ENPP2: variants seen among roughly 807,000 people sequenced by gnomAD.
ENPP2 encodes the protein ectonucleotide pyrophosphatase/phosphodiesterase 2.
ENPP2 carries 51 observed loss-of-function variants against 120.2 expected under a neutral mutation model. That is an observed-to-expected ratio of 0.42 (90% CI 0.34 to 0.54). The LOEUF is 0.54. Ranked by LOEUF, ENPP2 falls within the 20% of genes least tolerant of loss-of-function variation. The pLI, the probability that ENPP2 is intolerant of heterozygous loss-of-function variation, is 0.04. For synonymous variants in ENPP2, 365 were observed against 366.4 expected (o/e 1.00, Z 0.04); for missense variants, 920 against 1,066.5 (o/e 0.86, Z 1.91).
chr8:119,605,632 G>GTA (rs1814666408), intron 9 of ENPP2, among the ~76,000 whole-genome samples: 1 of 101,918 alleles, frequency 9.8e-6, no homozygotes, highest in African/African-American at 4.8e-5. Flanking sequence ...AGCTAATTTT[G>GTA]TATTTTTTTT....
At chr8:119,644,647 C>CACACAT (rs1202298058) in intron 1 of ENPP2, among the ~76,000 whole-genome samples, 1 of 105,288 alleles carries the variant, frequency 9.5e-6, no homozygotes, top group African/African-American at 3.7e-5. Flanking sequence ...CACACACACA[C>CACACAT]ATATAGATAT....
At chr8:119,621,879 GC>G (rs1815924732) in intron 3 of ENPP2, among the ~76,000 whole-genome samples, 1 of 152,092 alleles carries the variant, frequency 6.6e-6, no homozygotes, top group Non-Finnish European at 1.5e-5. Context: ...AGCCTCTATA[GC>G]TTGGCTCTTT....
chr8:119,654,481 A>G (rs890989358), intron 1 of ENPP2, among the ~76,000 whole-genome samples: 7 of 146,574 alleles, frequency 4.8e-5, no homozygotes, highest in African/African-American at 1.7e-4. Flanking sequence ...TTATATTATT[A>G]TATATAATAT....
chr8:119,631,931 A>C (rs1245945821), intron 2 of ENPP2, among the ~76,000 whole-genome samples: 1 of 152,208 alleles, frequency 6.6e-6, no homozygotes, highest in African/African-American at 2.4e-5. Flanking sequence ...GTTTAAAATC[A>C]AGAAAAATCA....
intron 9 of ENPP2, 81 bp downstream of exon 9, chr8:119,607,841 A>T: frequency 1.1e-6 from 1 of 888,350 alleles, no homozygotes; most frequent in Non-Finnish European, 1.8e-6. Flanking sequence ...TAACTGAAAC[A>T]AAATAAAACT....
chr8:119,654,510 A>G (rs2130881924), intron 1 of ENPP2, among the ~76,000 whole-genome samples: 1 of 147,444 alleles, frequency 6.8e-6, no homozygotes, highest in East Asian at 2.0e-4. Context: ...TTTAATATAT[A>G]TAATAAATAT....
At chr8:119,609,438 G>A (rs1056432236) in intron 8 of ENPP2, among the ~76,000 whole-genome samples, 1 of 152,132 alleles carries the variant, frequency 6.6e-6, no homozygotes, top group Middle Eastern at 3.2e-3. Flanking sequence ...CAGACTTTTG[G>A]TTCCCTGGGA....
At chr8:119,585,321 C>T (rs922347019) in intron 15 of ENPP2, among the ~76,000 whole-genome samples, 3 of 152,164 alleles carry the variant, frequency 2.0e-5, no homozygotes, top group African/African-American at 7.2e-5. Flanking sequence ...AAAATTACAG[C>T]ATGATATTTA....
intron 11 of ENPP2, 72 bp downstream of exon 11, chr8:119,600,605 TC>T: frequency 1.1e-6 from 1 of 925,148 alleles, no homozygotes; most frequent in Non-Finnish European, 1.8e-6. Flanking sequence ...TTTATACAAT[TC>T]CTGAAATAAA....
At chr8:119,642,414 T>G (rs1002948534), upstream of ENPP2, among the ~76,000 whole-genome samples, 2 of 152,232 alleles carry the variant, frequency 1.3e-5, no homozygotes, top group Non-Finnish European at 2.9e-5. Flanking sequence ...TATTTTTAGT[T>G]TTTTTAATAT....
chr8:119,565,834 C>G (rs909599012), intron 22 of ENPP2, among the ~76,000 whole-genome samples: 6 of 152,190 alleles, frequency 3.9e-5, no homozygotes, highest in Non-Finnish European at 8.8e-5. Flanking sequence ...CCAGACGGAG[C>G]CTTTTACACC....
chr8:119,572,547 G>C (rs548293815), intron 19 of ENPP2: 22 of 319,170 alleles, frequency 6.9e-5, no homozygotes, highest in African/African-American at 4.4e-4. Context: ...TAATGTATTT[G>C]CAACACTCTC....
At chr8:119,627,980 C>T (rs1383938866) in intron 2 of ENPP2, among the ~76,000 whole-genome samples, 1 of 150,726 alleles carries the variant, frequency 6.6e-6, no homozygotes, top group Non-Finnish European at 1.5e-5. Context: ...CCAGAAGACT[C>T]AGTGCAATCA....
At chr8:119,571,372 T>C (rs1164657277) in intron 19 of ENPP2, 1 of 152,204 alleles carries the variant, frequency 6.6e-6, no homozygotes, top group Admixed American at 6.5e-5. Context: ...GAAAAGTCTT[T>C]AGGTAAGAAC....
At chr8:119,613,104 G>C (rs1815227689) in intron 8 of ENPP2, among the ~76,000 whole-genome samples, 1 of 152,016 alleles carries the variant, frequency 6.6e-6, no homozygotes, top group Admixed American at 6.6e-5. Context: ...CCCCATGGAA[G>C]TATCTTTGTA....
intron 1 of ENPP2, among the ~76,000 whole-genome samples, chr8:119,646,726 C>A (rs2130863962): frequency 6.6e-6 from 1 of 152,294 alleles, no homozygotes; most frequent in Middle Eastern, 3.4e-3. Context: ...CAATGCCCAG[C>A]ATAGAATAGT....
chr8:119,589,652 G>C (rs1287666700), intron 13 of ENPP2, among the ~76,000 whole-genome samples: 2 of 152,126 alleles, frequency 1.3e-5, no homozygotes, highest in African/African-American at 4.8e-5. Flanking sequence ...TCACAACATG[G>C]TCTGGAGCTG....
At chr8:119,636,986 A>G (rs180842928) in intron 2 of ENPP2, among the ~76,000 whole-genome samples, 23 of 152,304 alleles carry the variant, frequency 1.5e-4, no homozygotes, top group Admixed American at 9.8e-4. Flanking sequence ...TTTTACATTC[A>G]TTAAGGAAAC....
chr8:119,613,622 C>T (rs759196492), intron 8 of ENPP2, among the ~76,000 whole-genome samples: 23 of 151,992 alleles, frequency 1.5e-4, no homozygotes, highest in Non-Finnish European at 2.4e-4. Flanking sequence ...GATTTTAAAA[C>T]GAAGCCTCTG....
Sources: allele counts gnomAD v4.1 joint callset (sites outside exome capture counted in the v4.1 genomes callset), GRCh38; gene constraint gnomAD v4.1.1; transcripts MANE v1.5; gene names NCBI Gene and HGNC (gene_info 2026-07-23, HGNC 2026-07-21).